LUC7L2: variants seen among roughly 807,000 people sequenced by gnomAD.
LUC7L2 encodes LUC7 like 2, pre-mRNA splicing factor.
LUC7L2 carries 25 observed loss-of-function variants against 52.8 expected under a neutral mutation model. The observed-to-expected ratio is 0.47, with a 90% CI of 0.34 to 0.66. LUC7L2 has a LOEUF of 0.66. LUC7L2 is among the 30% of genes least tolerant of loss of function. The pLI, the probability that LUC7L2 is intolerant of heterozygous loss-of-function variation, is 0.01. For synonymous variants in LUC7L2, 144 were observed against 160.9 expected, an observed-to-expected ratio of 0.89 and a Z score of 0.80; for missense variants, 328 against 497.8, an observed-to-expected ratio of 0.66 and a Z score of 3.25.
At chr7:139,360,834 A>G (rs1052634854) in intron 1 of LUC7L2, among the ~76,000 whole-genome samples, 1 of 152,188 alleles carries the variant, frequency 6.6e-6, no homozygotes, top group Non-Finnish European at 1.5e-5. Context: ...CGAGCCCCAC[A>G]GAAACAACCA....
At chr7:139,346,626 G>A (rs771422489) in intron 1 of LUC7L2, among the ~76,000 whole-genome samples, 2 of 152,150 alleles carry the variant, frequency 1.3e-5, no homozygotes, top group Non-Finnish European at 2.9e-5. Context: ...GGCAGCCCCT[G>A]AACCAGAATA....
intron 1 of LUC7L2, chr7:139,346,316 C>T (rs1183413105): frequency 1.3e-5 from 2 of 151,994 alleles, no homozygotes; most frequent in Non-Finnish European, 2.9e-5. Flanking sequence ...TAAAAGAAAC[C>T]CTCTTTTCCT....
chr7:139,406,303 C>T (rs1198625141), intron 5 of LUC7L2, among the ~76,000 whole-genome samples: 7 of 151,500 alleles, frequency 4.6e-5, no homozygotes, highest in East Asian at 1.9e-4. Flanking sequence ...CCACCTGCCT[C>T]GGCCTCCCAA....
At chr7:139,366,325 G>A (rs966512145) in intron 1 of LUC7L2, among the ~76,000 whole-genome samples, 3 of 152,092 alleles carry the variant, frequency 2.0e-5, no homozygotes, top group African/African-American at 7.2e-5. Context: ...AATGGTTTTT[G>A]TTTTTAATCT....
At chr7:139,407,471 C>A in intron 6 of LUC7L2, 121 bp downstream of exon 6, 1 of 1,189,204 alleles carries the variant, frequency 8.4e-7, no homozygotes. Context: ...TAATACTAAA[C>A]AGTGTAGGAT....
chr7:139,413,937 A>T (rs377710292), intron 8 of LUC7L2, among the ~76,000 whole-genome samples: 66 of 152,370 alleles, frequency 4.3e-4, no homozygotes, highest in African/African-American at 1.6e-3. Context: ...TGATAAGTAG[A>T]AACATTAAAC....
chr7:139,400,404 G>A (rs1302057089), intron 3 of LUC7L2, among the ~76,000 whole-genome samples: 1 of 152,146 alleles, frequency 6.6e-6, no homozygotes, highest in Admixed American at 6.6e-5. Flanking sequence ...AGCTACTCAG[G>A]AGGCTGAGGC....
chr7:139,390,915 A>G (rs1794422942), intron 2 of LUC7L2, among the ~76,000 whole-genome samples: 1 of 152,198 alleles, frequency 6.6e-6, no homozygotes, highest in South Asian at 2.1e-4. Flanking sequence ...ATTTCCAATT[A>G]TACATCACCC....
At chr7:139,357,320 G>A (rs532676346), upstream of LUC7L2, among the ~76,000 whole-genome samples, 2 of 152,162 alleles carry the variant, frequency 1.3e-5, no homozygotes, top group East Asian at 3.9e-4. Flanking sequence ...ATGCTTCCAA[G>A]AGTGAACATC....
intron 9 of LUC7L2, among the ~76,000 whole-genome samples, chr7:139,418,895 A>G (rs549123522): frequency 6.6e-6 from 1 of 152,282 alleles, no homozygotes; most frequent in African/African-American, 2.4e-5. Context: ...AGATGGGCGT[A>G]TCACTTGAGA....
At chr7:139,375,446 CCTT>C (rs1409828395) in intron 1 of LUC7L2, 2 of 985,292 alleles carry the variant, frequency 2.0e-6, no homozygotes, top group Admixed American at 1.2e-4. Flanking sequence ...GTGTGTAAGT[CCTT>C]CTTCCAGGTT....
chr7:139,345,163 A>C (rs1350265081), intron 1 of LUC7L2, among the ~76,000 whole-genome samples: 1 of 152,096 alleles, frequency 6.6e-6, no homozygotes, highest in Non-Finnish European at 1.5e-5. Flanking sequence ...CCTAATTATA[A>C]TTTCCATATC....
At chr7:139,388,769 G>A (rs565584610) in intron 2 of LUC7L2, among the ~76,000 whole-genome samples, 2 of 151,742 alleles carry the variant, frequency 1.3e-5, no homozygotes, top group East Asian at 3.9e-4. Flanking sequence ...TCTCTTGGTG[G>A]CATCATTGTT....
intron 1 of LUC7L2, among the ~76,000 whole-genome samples, chr7:139,343,243 A>G (rs1315530606): frequency 6.6e-6 from 1 of 152,228 alleles, no homozygotes; most frequent in Non-Finnish European, 1.5e-5. Flanking sequence ...AATGCTTGAC[A>G]TTGGTGTTGA....
At chr7:139,386,648 T>C (rs1010305306) in intron 2 of LUC7L2, among the ~76,000 whole-genome samples, 3 of 150,040 alleles carry the variant, frequency 2.0e-5, no homozygotes, top group African/African-American at 7.4e-5. Flanking sequence ...CCTCATGATC[T>C]GCCCACCTCG....
intron 1 of LUC7L2, among the ~76,000 whole-genome samples, chr7:139,372,510 T>G (rs971459428): frequency 6.6e-6 from 1 of 152,176 alleles, no homozygotes; most frequent in African/African-American, 2.4e-5. Flanking sequence ...TTTTGGCTAC[T>G]TATTGCATGA....
chr7:139,381,607 C>T (rs542008985), intron 2 of LUC7L2, among the ~76,000 whole-genome samples: 27 of 151,006 alleles, frequency 1.8e-4, no homozygotes, highest in African/African-American at 2.4e-4. Context: ...GACAGAGTCT[C>T]GCTCTGTTGC....
intron 1 of LUC7L2, among the ~76,000 whole-genome samples, chr7:139,340,775 C>G (rs148308968): frequency 4.6e-5 from 7 of 151,906 alleles, no homozygotes; most frequent in East Asian, 1.9e-4. Context: ...CTGGGGTGGC[C>G]TGTGACTTTT....
chr7:139,383,628 C>T (rs950034347), intron 2 of LUC7L2, among the ~76,000 whole-genome samples: 1 of 151,076 alleles, frequency 6.6e-6, no homozygotes, highest in Non-Finnish European at 1.5e-5. Context: ...GTTAGCCAGG[C>T]TGGTCTTGAA....
Sources: allele counts gnomAD v4.1 joint callset (sites outside exome capture counted in the v4.1 genomes callset), GRCh38; gene constraint gnomAD v4.1.1; transcripts MANE v1.5; gene names NCBI Gene and HGNC (gene_info 2026-07-23, HGNC 2026-07-21).